The following PDE4C variants were observed in gnomAD, a reference collection of about 807,000 sequenced individuals.
The protein encoded by PDE4C is 3',5'-cyclic-AMP phosphodiesterase 4C.
PDE4C carries 50 observed loss-of-function variants against 63.9 expected under a neutral mutation model. That is an observed-to-expected ratio of 0.78 (90% CI 0.62 to 0.99). PDE4C has a LOEUF of 0.99. Ranked by LOEUF, PDE4C falls within the 50% of genes least tolerant of loss-of-function variation. The probability of loss-of-function intolerance (pLI) is 0.00; values close to 1 mark genes in which losing one functional copy is unlikely to be tolerated. For missense variants in PDE4C, 777 were observed against 899.1 expected (o/e 0.86, Z 1.74); for synonymous variants, 377 against 385.1 (o/e 0.98, Z 0.25).
At chr19:18,223,810 T>C (rs553790899) in intron 1 of PDE4C, among the ~76,000 whole-genome samples, 1 of 152,348 alleles carries the variant, frequency 6.6e-6, no homozygotes, top group East Asian at 1.9e-4. Context: ...TCTTGGGCTC[T>C]TCTACCTGGA....
rs201989560 is a variant in PDE4C, at chr19:18,218,327, G to A, written c.1134+7C>T. 4.8e-4 allele frequency: 781 copies of A among 1,614,162 alleles called. No individual in the cohort carries two copies. The highest frequency in any genetic ancestry group is 1.8e-3 in the Middle Eastern group (11 of 6,060). Reference sequence around the variant, plus strand: ...CCGCCCACCTGCCTGCAGTCATGGCGCAGTACCTCGAGGGCGGGCGTAGCC... The same window carrying A: ...CCGCCCACCTGCCTGCAGTCATGGCACAGTACCTCGAGGGCGGGCGTAGCC... On this transcript the variant is annotated splice_region_variant and intron_variant, in intron 10 of 14. Transcript: ENST00000262805.
At chr19:18,239,433 G>C (rs112119112) in intron 1 of PDE4C, among the ~76,000 whole-genome samples, 138 of 152,282 alleles carry the variant, frequency 9.1e-4, no homozygotes, top group African/African-American at 3.2e-3. Context: ...ACGTGGTCCA[G>C]GGCAAGCGGC....
At position 18,222,702 on chromosome 19, in the gene PDE4C, T is replaced by TTTC. The variant is rs1356398647; in HGVS notation, c.147-380_147-379insGAA. On this transcript the variant is annotated intron_variant, in intron 1 of 14. Coordinates refer to ENST00000262805, the Ensembl canonical transcript of PDE4C. ...CTCTCTCTCTCGCCCTTTCTTTTCT[T>TTTC]TTTTTTTTTTTTTTTTTGACAGGGC... Among the ~76,000 whole-genome samples, 24 of 110,948 alleles carry TTTC rather than the reference T, an allele frequency of 2.2e-4. 1 individual carries two copies. The East Asian group carries it at 3.2e-3, about 15-fold the overall frequency. 72.8% of individuals were successfully genotyped at this position (110,948 alleles called of 152,430 possible).
intron 12 of PDE4C, among the ~76,000 whole-genome samples, chr19:18,215,349 C>T (rs1018359832): frequency 3.9e-5 from 6 of 152,126 alleles, no homozygotes; most frequent in African/African-American, 1.2e-4. Context: ...GCCTGCAGGT[C>T]CCTAGTCAAG....
At chr19:18,212,006 A>G in intron 13 of PDE4C, 65 bp from the exon 14 acceptor site, 6 of 1,519,598 alleles carry the variant, frequency 3.9e-6, no homozygotes, top group Non-Finnish European at 5.5e-6. Context: ...TGGCACCTCC[A>G]CAGACAGGCT....
chr19:18,216,261 C>CT lies in PDE4C; in HGVS notation c.1389+479dup, dbSNP rs559961551. Among the ~76,000 whole-genome samples the CT allele has an allele frequency of 3.0e-3, 406 of 135,904 alleles. 2 individuals carry two copies. Among genetic ancestry groups the CT allele is most frequent in the East Asian group, 4.3e-3 (20 of 4,618 alleles). The allele number at this position is 135,904 out of a possible 152,430, so 89.2% of individuals were successfully genotyped here. On this transcript the variant is annotated intron_variant, in intron 12 of 14. Transcript: ENST00000262805. ...CTGGGGTTTGGGCAGTCACTAGCCCCTTTTTTTTTTTTTTTGAGATGGAGT... is the reference window on the plus strand; with the variant it reads ...CTGGGGTTTGGGCAGTCACTAGCCCCTTTTTTTTTTTTTTTTGAGATGGAGT...
At chr19:18,232,442 A>C (rs1323011676) in intron 1 of PDE4C, among the ~76,000 whole-genome samples, 1 of 151,194 alleles carries the variant, frequency 6.6e-6, no homozygotes, top group East Asian at 1.9e-4. Flanking sequence ...CAAGCACCCC[A>C]GGGTTACCTC....
In PDE4C at chr19:18,221,258, C is replaced by T; in HGVS notation, c.375+3G>A. ...CAGGGCAGGGAGGGCGGGGGACACC[C>T]ACCTGGGCAAAGGGCGTCACAATCA... On this transcript the variant is annotated splice_donor_region_variant and intron_variant, in intron 3 of 14. Coordinates refer to ENST00000262805, the Ensembl canonical transcript of PDE4C. The T allele has an allele frequency of 6.5e-7, 1 of 1,546,230 alleles. No homozygotes were observed. Among genetic ancestry groups the T allele is most frequent in the Non-Finnish European group, 8.7e-7 (1 of 1,152,800 alleles).
In PDE4C at chr19:18,222,471, C is replaced by T. The variant is rs1968526614; in HGVS notation, c.147-148G>A. On this transcript the variant is annotated intron_variant, in intron 1 of 14. Transcript: ENST00000262805. Reference sequence around the variant, plus strand: ...CTTGTTCACCTGCCCCCAGCTACACCCTCAGGAACCCTGCACCCCTCACAC... The same window carrying T: ...CTTGTTCACCTGCCCCCAGCTACACTCTCAGGAACCCTGCACCCCTCACAC... 7.8e-6 allele frequency: 5 copies of T among 640,890 alleles called. No individual in the cohort carries two copies. In the East Asian group the frequency reaches 1.4e-4, roughly 18 times the overall value. 39.7% of individuals were successfully genotyped at this position (640,890 alleles called of 1,614,324 possible). A position where few individuals can be genotyped will look rare whatever the true frequency, so the allele number is the denominator to read the frequency against.
intron 12 of PDE4C, among the ~76,000 whole-genome samples, chr19:18,213,988 G>A (rs540708840): frequency 1.1e-4 from 17 of 152,290 alleles, no homozygotes; most frequent in African/African-American, 2.4e-4. Context: ...GCTGGGCGCC[G>A]TGGCTCACGC....
chr19:18,217,028 G>T, intron 11 of PDE4C, 133 bp from the exon 12 acceptor site: 1 of 988,980 alleles, frequency 1.0e-6, no homozygotes, highest in Non-Finnish European at 1.5e-6. Flanking sequence ...CCTCCTGTAA[G>T]AAACCATCCA....
At chr19:18,211,686 C>A (rs1967946489) in intron 14 of PDE4C, 73 bp downstream of exon 14, 5 of 1,548,196 alleles carry the variant, frequency 3.2e-6, no homozygotes, top group Middle Eastern at 1.7e-4. Context: ...CAAACCAGGG[C>A]TCGTGGGGTT....
intron 1 of PDE4C, among the ~76,000 whole-genome samples, chr19:18,244,816 T>C (rs1969103585): frequency 6.6e-6 from 1 of 151,264 alleles, no homozygotes; most frequent in South Asian, 2.1e-4. Context: ...CCAGCTTTTT[T>C]TTTTTCTTTT....
At chr19:18,223,514 T>TTTTG (rs1491290356) in intron 1 of PDE4C, among the ~76,000 whole-genome samples, 11 of 150,710 alleles carry the variant, frequency 7.3e-5, no homozygotes, top group African/African-American at 2.7e-4. Context: ...CCGGCCAAAG[T>TTTTG]TTTGTATTTT....
upstream of PDE4C, among the ~76,000 whole-genome samples, chr19:18,230,768 TG>T (rs1266708791): frequency 7.6e-4 from 116 of 152,272 alleles, no homozygotes; most frequent in Non-Finnish European, 2.1e-4. Flanking sequence ...GAGCCTCCTC[TG>T]GGCTTGTTCT....
chr19:18,224,097 C>G (rs1317975489), intron 1 of PDE4C: 4 of 623,636 alleles, frequency 6.4e-6, no homozygotes, highest in Non-Finnish European at 6.0e-6. Context: ...TTCTGCCCGG[C>G]CCACCCTCCT....
At chr19:18,232,408 T>TGTGTGTGC (rs1475190333) in intron 1 of PDE4C, among the ~76,000 whole-genome samples, 1 of 149,712 alleles carries the variant, frequency 6.7e-6, no homozygotes, top group Non-Finnish European at 1.5e-5. Flanking sequence ...TGTGTGTGTG[T>TGTGTGTGC]GCGTGTGTGT....
Position 18,216,803 on chromosome 19 carries a change from C to T in PDE4C, c.1327G>A (p.Asp443Asn), listed in dbSNP as rs746162922. 33 of 1,611,710 alleles carry T rather than the reference C, an allele frequency of 2.0e-5. No homozygotes were observed. Among genetic ancestry groups the T allele is most frequent in the Non-Finnish European group, 2.5e-5 (30 of 1,178,684 alleles). The change falls in exon 12 of 15, where the codon GAT becomes AAT. Residue 443 changes from aspartate (D) to asparagine (N), a missense_variant. By Grantham distance (23) the Asp-to-Asn change is conservative. This residue lies in a region of PDE4C where 500 missense variants were observed against 597.8 expected (regional missense o/e 0.84). Transcript: ENST00000262805. ...TTGGCGCTGAGGTTCTGGAAGATAT[C>T]GCAGTTCTCTGCCTGCAGCAGCTTG...
exon 1 of PDE4C, chr19:18,233,640 C>T (rs1189130180): frequency 1.2e-5 from 5 of 403,260 alleles, no homozygotes; most frequent in African/African-American, 2.1e-5. Context: ...CGGTGTCCCT[C>T]GCACCGTGTT....
Sources: gnomAD v4.1 joint callset for allele counts (sites outside exome capture counted in the v4.1 genomes callset) on GRCh38, gnomAD v4.1.1 for gene constraint, gnomAD v4.1.1 regional missense constraint, MANE v1.5 for transcripts, NCBI Gene and HGNC (gene_info 2026-07-23, HGNC 2026-07-21) for gene names.